The following EPHA7 variants were observed in gnomAD, a reference collection of about 807,000 sequenced individuals.
EPHA7 encodes the protein EPH receptor A7, also known as ephrin type-A receptor 7.
A neutral mutation model predicts 112.6 loss-of-function variants in EPHA7; 25 were observed. The ratio of observed to expected loss-of-function variants is 0.22; its 90% CI spans 0.16 to 0.31. EPHA7 has a LOEUF of 0.31. EPHA7 is among the 10% of genes least tolerant of loss of function. The pLI is 1.00. For synonymous variants in EPHA7, 437 were observed against 406.5 expected (o/e 1.07, Z -0.90); for missense variants, 962 against 1,212.6 (o/e 0.79, Z 3.07).
At chr6:93,337,610 T>C (rs775203298) in intron 5 of EPHA7, among the ~76,000 whole-genome samples, 4 of 152,126 alleles carry the variant, frequency 2.6e-5, no homozygotes, top group Non-Finnish European at 4.4e-5. Flanking sequence ...TTGAGAGATT[T>C]CTCTCATAGA....
chr6:93,346,186 G>T (rs370163106), intron 5 of EPHA7, among the ~76,000 whole-genome samples: 1 of 151,546 alleles, frequency 6.6e-6, no homozygotes, highest in Admixed American at 6.6e-5. Context: ...TACTACTGTC[G>T]TCATCATTAT....
At position 93,290,552 on chromosome 6, in the gene EPHA7, T is replaced by C. The variant is rs188092607; in HGVS notation, c.1325-18130A>G. On this transcript the variant is annotated intron_variant, in intron 5 of 16. Transcript: ENST00000369303. The stretch of plus-strand genomic sequence containing the variant: ...TTAGTCCCTAGAAGTCTGATAACTT[T>C]CAGTTATCTAAAATCTTCCTCTGGA... Among the ~76,000 whole-genome samples, 630 of 152,320 alleles carry C rather than the reference T, an allele frequency of 4.1e-3. 1 individual carries two copies. Among genetic ancestry groups the C allele is most frequent in the Non-Finnish European group, 7.1e-3 (480 of 68,020 alleles).
At chr6:93,354,547 G>A (rs185245340) in intron 5 of EPHA7, among the ~76,000 whole-genome samples, 2 of 146,674 alleles carry the variant, frequency 1.4e-5, no homozygotes, top group Admixed American at 1.4e-4. Context: ...ATACGATTAA[G>A]TATTTTTAGT....
intron 3 of EPHA7, among the ~76,000 whole-genome samples, chr6:93,403,254 C>T (rs1415720352): frequency 6.6e-6 from 1 of 151,660 alleles, no homozygotes; most frequent in African/African-American, 2.4e-5. Flanking sequence ...AAAATCTTTG[C>T]TTTGCCAGTG....
intron 3 of EPHA7, among the ~76,000 whole-genome samples, chr6:93,405,352 T>A (rs1435544833): frequency 1.3e-5 from 2 of 151,742 alleles, no homozygotes; most frequent in Non-Finnish European, 3.0e-5. Flanking sequence ...CATACACTGC[T>A]GGTGGAAAAA....
intron 6 of EPHA7, among the ~76,000 whole-genome samples, chr6:93,270,640 T>C (rs1235444945): frequency 6.6e-6 from 1 of 151,674 alleles, no homozygotes; most frequent in African/African-American, 2.4e-5. Flanking sequence ...AATCTTAAAA[T>C]GTCAATCAAG....
intron 10 of EPHA7, 74 bp downstream of exon 10, chr6:93,259,280 C>G: frequency 1.3e-6 from 2 of 1,569,640 alleles, no homozygotes; most frequent in Non-Finnish European, 1.7e-6. Context: ...TAATTATTTG[C>G]CTGTCATTAT....
intron 3 of EPHA7, among the ~76,000 whole-genome samples, chr6:93,407,976 C>A (rs899209732): frequency 6.6e-6 from 1 of 151,874 alleles, no homozygotes; most frequent in East Asian, 1.9e-4. Context: ...ACTCAAACAG[C>A]TCCTGTTCAC....
chr6:93,399,061 C>G (rs1022490520), intron 3 of EPHA7, among the ~76,000 whole-genome samples: 2 of 152,032 alleles, frequency 1.3e-5, no homozygotes, highest in African/African-American at 4.8e-5. Context: ...TGCCCCTTTT[C>G]CCTTGCAAGG....
intron 5 of EPHA7, among the ~76,000 whole-genome samples, chr6:93,317,283 G>A (rs1773860258): frequency 1.3e-5 from 2 of 152,228 alleles, no homozygotes; most frequent in South Asian, 4.1e-4. Flanking sequence ...TCTTAAATAA[G>A]CTAATGTGAA....
chr6:93,337,658 A>G (rs1250044816), intron 5 of EPHA7, among the ~76,000 whole-genome samples: 4 of 152,172 alleles, frequency 2.6e-5, no homozygotes, highest in Non-Finnish European at 4.4e-5. Flanking sequence ...ATATTTTTCT[A>G]TGTCAAACAG....
At chr6:93,408,177 G>A (rs541680265) in intron 3 of EPHA7, among the ~76,000 whole-genome samples, 6 of 151,720 alleles carry the variant, frequency 4.0e-5, no homozygotes, top group African/African-American at 9.7e-5. Context: ...TTTCTACTTC[G>A]TTATTTTTCC....
chr6:93,379,612 G>T (rs1168462793), intron 3 of EPHA7, among the ~76,000 whole-genome samples: 2 of 151,920 alleles, frequency 1.3e-5, no homozygotes, highest in African/African-American at 2.4e-5. Context: ...ATGCCAAAAG[G>T]TTTATACGGC....
intron 5 of EPHA7, among the ~76,000 whole-genome samples, chr6:93,315,284 T>C (rs1380432935): frequency 6.6e-6 from 1 of 152,228 alleles, no homozygotes; most frequent in Non-Finnish European, 1.5e-5. Context: ...TTAAAATATG[T>C]ACCACTTAGG....
At chr6:93,257,908 A>G (rs1562048476) in intron 11 of EPHA7, among the ~76,000 whole-genome samples, 191 bp downstream of exon 11, 1 of 151,732 alleles carries the variant, frequency 6.6e-6, no homozygotes, top group Non-Finnish European at 1.5e-5. Flanking sequence ...TCTTGCATTC[A>G]TTTTTTTTCT....
At chr6:93,354,443 T>C (rs1775841396) in intron 5 of EPHA7, among the ~76,000 whole-genome samples, 2 of 152,012 alleles carry the variant, frequency 1.3e-5, no homozygotes, top group South Asian at 4.1e-4. Flanking sequence ...TTATTTATGT[T>C]TATGTTATTT....
In EPHA7 at chr6:93,260,826, T is replaced by C. The variant is rs1366693036; in HGVS notation, c.1799-1347A>G. ...ACACGAGAAGAAAAGAGAGAGGGGA[T>C]AGAAGGAGAAAAGAGAGAAGAAGGA... On this transcript the variant is annotated intron_variant, in intron 9 of 16. Transcript: ENST00000369303. The C allele has an allele frequency of 5.1e-6, 4 of 782,556 alleles. No individual in the cohort carries two copies. In the South Asian group the frequency reaches 1.8e-4, roughly 34 times the overall value. 48.5% of individuals were successfully genotyped at this position (782,556 alleles called of 1,614,324 possible).
chr6:93,339,770 G>T (rs1775052778), intron 5 of EPHA7, among the ~76,000 whole-genome samples: 1 of 151,586 alleles, frequency 6.6e-6, no homozygotes, highest in South Asian at 2.1e-4. Context: ...CATATTTTTG[G>T]CATGTCAATA....
intron 3 of EPHA7, among the ~76,000 whole-genome samples, chr6:93,386,065 G>T (rs1270274321): frequency 6.6e-6 from 1 of 152,054 alleles, no homozygotes; most frequent in Non-Finnish European, 1.5e-5. Context: ...ATTTGGATGG[G>T]GACACAGAGT....
Sources: allele counts gnomAD v4.1 joint callset (sites outside exome capture counted in the v4.1 genomes callset), GRCh38; gene constraint gnomAD v4.1.1; transcripts MANE v1.5; gene names NCBI Gene and HGNC (gene_info 2026-07-23, HGNC 2026-07-21).